Variants in DIP2C observed in about 807,000 individuals in gnomAD.
DIP2C encodes disco-interacting protein 2 homolog C.
Under a neutral mutation model 192.4 loss-of-function variants are expected in DIP2C, and 33 were observed. The observed-to-expected ratio is 0.17, with a 90% CI of 0.13 to 0.23. DIP2C has a LOEUF of 0.23. DIP2C is among the 10% of genes least tolerant of loss of function. DIP2C has a pLI of 1.00. For missense variants in DIP2C, 1,537 were observed against 2,110.1 expected (o/e 0.73, Z 5.32); for synonymous variants, 979 against 864.1 (o/e 1.13, Z -2.33).
intron 1 of DIP2C, among the ~76,000 whole-genome samples, chr10:572,346 G>C (rs1849876259): frequency 6.6e-6 from 1 of 152,158 alleles, no homozygotes; most frequent in Non-Finnish European, 1.5e-5. Context: ...AGTTAACTGT[G>C]CATCCTGAGC....
chr10:342,990 G>T (rs572070744), intron 28 of DIP2C, among the ~76,000 whole-genome samples: 77 of 152,270 alleles, frequency 5.1e-4, no homozygotes, highest in African/African-American at 1.7e-3. Flanking sequence ...TGATTTTTGC[G>T]GTTTTAAAAC....
intron 18 of DIP2C, among the ~76,000 whole-genome samples, chr10:367,973 C>CA (rs1960485689): frequency 1.1e-5 from 1 of 91,488 alleles, no homozygotes; most frequent in African/African-American, 4.2e-5. Context: ...GTGCCTCCGA[C>CA]GGGGGCCCGG....
At chr10:390,463 A>T in intron 11 of DIP2C, 90 bp from the exon 12 acceptor site, 1 of 1,276,472 alleles carries the variant, frequency 7.8e-7, no homozygotes, top group Non-Finnish European at 1.1e-6. Context: ...CCTTTCAAAC[A>T]CGTCAACTAG....
intron 24 of DIP2C, 54 bp downstream of exon 24, chr10:356,372 C>T: frequency 6.3e-7 from 1 of 1,594,688 alleles, no homozygotes; most frequent in Non-Finnish European, 8.5e-7. Context: ...CTCCCAGGAA[C>T]CAGGCTAGGC....
At chr10:319,530 T>C (rs565558866) in intron 31 of DIP2C, among the ~76,000 whole-genome samples, 6 of 152,264 alleles carry the variant, frequency 3.9e-5, no homozygotes, top group African/African-American at 1.4e-4. Flanking sequence ...GAACAATATC[T>C]CTAAATCTAA....
chr10:593,367 A>T (rs1851513882), intron 1 of DIP2C, among the ~76,000 whole-genome samples: 1 of 152,042 alleles, frequency 6.6e-6, no homozygotes, highest in Non-Finnish European at 1.5e-5. Context: ...TTTTCCCAAC[A>T]TCACCTTAGT....
At chr10:521,334 T>C (rs1236878590) in intron 1 of DIP2C, among the ~76,000 whole-genome samples, 5 of 152,216 alleles carry the variant, frequency 3.3e-5, no homozygotes, top group African/African-American at 1.2e-4. Flanking sequence ...CTGTGGATTC[T>C]GAGGTGCCTG....
chr10:311,173 C>T (rs1956549780), intron 31 of DIP2C, among the ~76,000 whole-genome samples: 1 of 152,158 alleles, frequency 6.6e-6, no homozygotes, highest in South Asian at 2.1e-4. Flanking sequence ...CCCCCGGCTG[C>T]TCAGCAAAGC....
intron 1 of DIP2C, among the ~76,000 whole-genome samples, chr10:584,038 G>A (rs1440843205): frequency 2.6e-5 from 4 of 152,272 alleles, no homozygotes; most frequent in South Asian, 4.2e-4. Flanking sequence ...CTTGGTGTCT[G>A]TCCTATGGAG....
intron 3 of DIP2C, among the ~76,000 whole-genome samples, chr10:446,814 T>C (rs532773646): frequency 6.6e-6 from 1 of 152,224 alleles, no homozygotes; most frequent in Non-Finnish European, 1.5e-5. Flanking sequence ...TTTTTCAGCA[T>C]CTTCTGAGAT....
intron 1 of DIP2C, among the ~76,000 whole-genome samples, chr10:658,030 C>T (rs535597597): frequency 1.2e-3 from 170 of 147,706 alleles, no homozygotes; most frequent in African/African-American, 3.0e-3. Context: ...CCTGGACCTG[C>T]CCTTGGACCT....
chr10:506,456 T>C (rs7923999), intron 1 of DIP2C, among the ~76,000 whole-genome samples: 2,485 of 152,212 alleles, frequency 0.016, 72 homozygotes, highest in African/African-American at 0.057. Flanking sequence ...CAACTGTCCA[T>C]GTGGCTCCCA....
chr10:482,015 T>C (rs988411484), intron 2 of DIP2C, among the ~76,000 whole-genome samples: 1 of 152,084 alleles, frequency 6.6e-6, no homozygotes, highest in Non-Finnish European at 1.5e-5. Context: ...ACTATGACAG[T>C]GGTATTTCAG....
At chr10:479,884 T>C (rs934793525) in intron 2 of DIP2C, among the ~76,000 whole-genome samples, 3 of 150,812 alleles carry the variant, frequency 2.0e-5, no homozygotes, top group Admixed American at 1.3e-4. Flanking sequence ...TCACGCTCAC[T>C]GGATGAGTGT....
intron 1 of DIP2C, among the ~76,000 whole-genome samples, chr10:592,065 G>GAA (rs1851435887): frequency 6.6e-6 from 1 of 152,224 alleles, no homozygotes; most frequent in African/African-American, 2.4e-5. Flanking sequence ...TCATAGCCAT[G>GAA]TGTTCTGGGG....
intron 17 of DIP2C, among the ~76,000 whole-genome samples, chr10:373,943 A>G (rs867318722): frequency 2.6e-5 from 4 of 152,188 alleles, no homozygotes; most frequent in Non-Finnish European, 5.9e-5. Flanking sequence ...CATACTCGCA[A>G]TAGCCCCCCG....
chr10:347,861 TCGCGCA>T (rs1958584300), intron 26 of DIP2C, among the ~76,000 whole-genome samples: 1 of 100,216 alleles, frequency 1.0e-5, no homozygotes, highest in Non-Finnish European at 2.1e-5. Context: ...CCCAGACGCG[TCGCGCA>T]TAGCTCTCCC....
rs766900324 is a variant in DIP2C, at chr10:344,860, A to G, written c.3402T>C (p.Leu1134=). 6.2e-7 allele frequency: 1 copy of G among 1,606,874 alleles called. No homozygotes were observed. Among genetic ancestry groups the G allele is most frequent in the Non-Finnish European group, 8.5e-7 (1 of 1,177,844 alleles). ...TGGACACGCTGAAGTCGAGATATGCAAGAGTGTCTGGGTTGCAAGGTTTGC... is the reference window on the plus strand; with the variant it reads ...TGGACACGCTGAAGTCGAGATATGCGAGAGTGTCTGGGTTGCAAGGTTTGC... The part of the protein sequence containing the change: ...QICKPCNPDT[L]AYLDFSVSTT... Residue 1134 remains leucine, a synonymous_variant, in exon 28 of 37, where the codon CTT becomes CTC. Transcript: ENST00000280886.
chr10:321,404 G>A (rs1957003200), intron 31 of DIP2C, among the ~76,000 whole-genome samples: 1 of 152,122 alleles, frequency 6.6e-6, no homozygotes, highest in African/African-American at 2.4e-5. Flanking sequence ...GCTGCACACG[G>A]GTGAGGCTCC....
Sources: gnomAD v4.1 joint callset for allele counts (sites outside exome capture counted in the v4.1 genomes callset) on GRCh38, gnomAD v4.1.1 for gene constraint, MANE v1.5 for transcripts, NCBI Gene and HGNC (gene_info 2026-07-23, HGNC 2026-07-21) for gene names.